The following NCKAP5 variants were observed in gnomAD, a reference collection of about 807,000 sequenced individuals.
NCKAP5 encodes the protein NCK associated protein 5, also known as nck-associated protein 5.
In NCKAP5, 92 loss-of-function variants were observed where a neutral mutation model predicts 167.0. That is an observed-to-expected ratio of 0.55 (90% CI 0.47 to 0.66). The LOEUF (loss-of-function observed/expected upper bound fraction) is 0.66. Among genes scored for constraint, NCKAP5 ranks in the 30% least tolerant of loss-of-function variants. The pLI is 0.00. For missense variants in NCKAP5, 2,378 were observed against 2,315.0 expected, an observed-to-expected ratio of 1.03 and a Z score of -0.56; for synonymous variants, 891 against 877.4, an observed-to-expected ratio of 1.02 and a Z score of -0.27.
chr2:132,797,905 A>G (rs1684731557), intron 11 of NCKAP5, among the ~76,000 whole-genome samples: 1 of 152,204 alleles, frequency 6.6e-6, no homozygotes, highest in Non-Finnish European at 1.5e-5. Context: ...TGATTATTCA[A>G]CAAACATTTA....
rs143742837 is a variant in NCKAP5, at chr2:133,352,472, C to T, written c.70-49362G>A. Among the ~76,000 whole-genome samples, 216 of 152,300 alleles carry T rather than the reference C, an allele frequency of 1.4e-3. 1 individual carries two copies. Among genetic ancestry groups the T allele is most frequent in the Non-Finnish European group, 4.9e-4 (33 of 68,028 alleles). On this transcript the variant is annotated intron_variant, in intron 3 of 19. Coordinates refer to ENST00000409261, the MANE Select transcript of NCKAP5 (RefSeq NM_207363.3). ...TGTCCTCCACATACAATTTGGGATA[C>T]GTTATGAGGCATAGAGAAGAGGTCT... is the stretch of plus-strand genomic sequence containing the variant.
chr2:132,784,255 G>A lies in NCKAP5; in HGVS notation c.2556C>T (p.Ser852=). Residue 852 remains serine, a synonymous_variant, in exon 14 of 20, where the codon AGC becomes AGT. Transcript: ENST00000409261. ...ATCGTAATTCAAAGAGGGGCCCTGA[G>A]CTCTCAGTCTTCATGAATCGTGAGA... ...GKLSRFMKTE[S]SGPLFELRSD... 1 of 1,609,084 alleles carries A rather than the reference G, an allele frequency of 6.2e-7. No homozygotes were observed. The highest frequency in any genetic ancestry group is 1.7e-5 in the Admixed American group (1 of 58,704).
chr2:133,031,300 G>A (rs929231562), intron 6 of NCKAP5, among the ~76,000 whole-genome samples: 1 of 151,882 alleles, frequency 6.6e-6, no homozygotes, highest in African/African-American at 2.4e-5. Context: ...CTGGGGGAGG[G>A]AGAACACAGT....
At chr2:133,155,503 T>C (rs2083542732) in intron 5 of NCKAP5, among the ~76,000 whole-genome samples, 1 of 152,174 alleles carries the variant, frequency 6.6e-6, no homozygotes, top group Non-Finnish European at 1.5e-5. Context: ...CTACCAAAAG[T>C]CTGTGCTCTT....
chr2:133,247,608 T>A (rs1314262130), intron 4 of NCKAP5, among the ~76,000 whole-genome samples: 1 of 152,170 alleles, frequency 6.6e-6, no homozygotes, highest in East Asian at 1.9e-4. Context: ...ACAACATCCA[T>A]GAATAGTTAA....
intron 5 of NCKAP5, among the ~76,000 whole-genome samples, chr2:133,209,569 C>T (rs1320055500): frequency 6.6e-6 from 1 of 151,716 alleles, no homozygotes; most frequent in Non-Finnish European, 1.5e-5. Context: ...GCTCGCATTA[C>T]TTCTACTTCT....
At chr2:133,619,384 A>G in the NCKAP5 span, among the ~76,000 whole-genome samples, 3 of 152,160 alleles carry the variant, frequency 2.0e-5, no homozygotes, top group African/African-American at 7.2e-5. Flanking sequence ...AACAGAAAGC[A>G]TAAATAAAAA....
intron 10 of NCKAP5, among the ~76,000 whole-genome samples, chr2:132,867,578 T>C (rs1690457143): frequency 3.9e-5 from 6 of 152,158 alleles, no homozygotes; most frequent in Admixed American, 3.9e-4. Flanking sequence ...GTATGCCCTT[T>C]ATCATCTTCA....
intron 6 of NCKAP5, among the ~76,000 whole-genome samples, chr2:132,997,173 C>T (rs1370597): frequency 0.011 from 1,666 of 152,210 alleles, 20 homozygotes; most frequent in African/African-American, 0.037. Context: ...TAATATGGCA[C>T]GTAACTACTC....
chr2:132,680,032 A>T (rs568372947), intron 19 of NCKAP5, among the ~76,000 whole-genome samples: 6 of 152,114 alleles, frequency 3.9e-5, no homozygotes, highest in Admixed American at 1.3e-4. Flanking sequence ...TACTTTCTAG[A>T]TGAGACATAA....
chr2:133,013,564 T>C (rs979486436), intron 6 of NCKAP5, among the ~76,000 whole-genome samples: 1 of 152,144 alleles, frequency 6.6e-6, no homozygotes, highest in Non-Finnish European at 1.5e-5. Context: ...AGGAAAGACC[T>C]GACTCCACAA....
At chr2:133,012,431 T>C (rs2078192647) in intron 6 of NCKAP5, among the ~76,000 whole-genome samples, 1 of 152,124 alleles carries the variant, frequency 6.6e-6, no homozygotes, top group Admixed American at 6.5e-5. Flanking sequence ...GTATTTTTAG[T>C]AGGGACGGGG....
chr2:132,880,680 C>G (rs1044223729), intron 8 of NCKAP5, among the ~76,000 whole-genome samples: 1 of 151,990 alleles, frequency 6.6e-6, no homozygotes, highest in South Asian at 2.1e-4. Flanking sequence ...ATGGATGCCT[C>G]AAATACTGTG....
chr2:132,745,155 A>G lies in NCKAP5; in HGVS notation c.5129-13104T>C, dbSNP rs140289491. 9.8e-4 allele frequency among the ~76,000 whole-genome samples: 149 copies of G among 151,946 alleles called. 2 individuals are homozygous for G. Among genetic ancestry groups the G allele is most frequent in the Middle Eastern group, 3.4e-3 (1 of 294 alleles). On this transcript the variant is annotated intron_variant, in intron 16 of 19. Coordinates refer to ENST00000409261, the MANE Select transcript of NCKAP5 (RefSeq NM_207363.3). Reference sequence around the variant, plus strand: ...TATCAAACTCAAAGACATCATACATAGAGGAAAAATAGAGATCAATATAAC... The same window carrying G: ...TATCAAACTCAAAGACATCATACATGGAGGAAAAATAGAGATCAATATAAC...
chr2:132,889,253 C>A (rs1279727531), intron 8 of NCKAP5, among the ~76,000 whole-genome samples: 2 of 152,120 alleles, frequency 1.3e-5, no homozygotes, highest in Non-Finnish European at 2.9e-5. Flanking sequence ...AAATTTCTGA[C>A]CCATAAAATT....
At chr2:133,158,231 C>G (rs2083649249) in intron 5 of NCKAP5, among the ~76,000 whole-genome samples, 1 of 152,104 alleles carries the variant, frequency 6.6e-6, no homozygotes, top group African/African-American at 2.4e-5. Flanking sequence ...TCATTGTGTT[C>G]TTTGATCTCA....
At chr2:133,543,942 T>A (rs1346856979) in intron 2 of NCKAP5, among the ~76,000 whole-genome samples, 1 of 152,240 alleles carries the variant, frequency 6.6e-6, no homozygotes, top group Non-Finnish European at 1.5e-5. Flanking sequence ...AGCTCATTTA[T>A]CTGGTTATCT....
At chr2:133,072,191 T>G (rs1027563076) in intron 6 of NCKAP5, among the ~76,000 whole-genome samples, 44 of 151,904 alleles carry the variant, frequency 2.9e-4, no homozygotes, top group Non-Finnish European at 1.0e-4. Context: ...TTCAAGCAAT[T>G]CTCCTGCCTC....
intron 3 of NCKAP5, among the ~76,000 whole-genome samples, chr2:133,516,087 C>T (rs13432659): frequency 0.018 from 2,742 of 152,300 alleles, 92 homozygotes; most frequent in African/African-American, 0.062. Context: ...CTTTCTTGAG[C>T]TGCTCACATC....
Sources: allele counts gnomAD v4.1 joint callset (sites outside exome capture counted in the v4.1 genomes callset), GRCh38; gene constraint gnomAD v4.1.1; transcripts MANE v1.5; gene names NCBI Gene and HGNC (gene_info 2026-07-23, HGNC 2026-07-21).